Variants in AK8 observed in about 807,000 individuals in gnomAD.
AK8 encodes ATP-AMP transphosphorylase 8.
Under a neutral mutation model 54.6 loss-of-function variants are expected in AK8, and 44 were observed. The ratio of observed to expected loss-of-function variants is 0.81; its 90% confidence interval spans 0.63 to 1.04. The LOEUF is 1.04. Ranked by LOEUF, AK8 falls within the 50% of genes least tolerant of loss-of-function variation. AK8 has a pLI of 0.00. For missense variants in AK8, 555 were observed against 613.6 expected (o/e 0.90, Z 1.01); for synonymous variants, 239 against 245.6 (o/e 0.97, Z 0.25).
chr9:132,833,858 G>A (rs937591033), intron 5 of AK8, among the ~76,000 whole-genome samples: 4 of 152,264 alleles, frequency 2.6e-5, no homozygotes, highest in East Asian at 3.8e-4. Context: ...TTATTAAAGC[G>A]CAATTAGCAA....
chr9:132,821,656 C>T (rs565494015), intron 9 of AK8, among the ~76,000 whole-genome samples: 51 of 150,446 alleles, frequency 3.4e-4, no homozygotes, highest in African/African-American at 1.2e-3. Flanking sequence ...AAACTTGATT[C>T]TTCTGGGGTG....
intron 10 of AK8, among the ~76,000 whole-genome samples, chr9:132,793,229 C>G (rs991984452): frequency 1.3e-5 from 2 of 152,200 alleles, no homozygotes; most frequent in Non-Finnish European, 1.5e-5. Context: ...GGTGAGAAGT[C>G]TCTCTGGGGT....
Position 132,803,947 on chromosome 9 carries a change from A to T in AK8, c.979+10691T>A, listed in dbSNP as rs550707539. Among the ~76,000 whole-genome samples, 1 of 152,040 alleles carries T rather than the reference A, an allele frequency of 6.6e-6. No homozygotes were observed. The highest frequency in any genetic ancestry group is 2.1e-4 in the South Asian group (1 of 4,804). On this transcript the variant is annotated intron_variant, in intron 10 of 12. Coordinates refer to ENST00000298545, the MANE Select transcript of AK8 (RefSeq NM_152572.3). This position sits in a 1 kb window ranked among gnomAD's most constrained non-coding sequence, Gnocchi z 4.4. ...ATGGTGAAACCCCATCTCTACTAAAAATACAAAAATTAGCCGGGCGTGGTG... is the reference window on the plus strand; with the variant it reads ...ATGGTGAAACCCCATCTCTACTAAATATACAAAAATTAGCCGGGCGTGGTG...
intron 9 of AK8, among the ~76,000 whole-genome samples, chr9:132,821,179 C>T (rs1179754129): frequency 6.6e-6 from 1 of 151,792 alleles, no homozygotes; most frequent in Non-Finnish European, 1.5e-5. Flanking sequence ...TAAAACAGAG[C>T]ACCGAGACAA....
At chr9:132,807,575 A>T (rs78611549) in intron 10 of AK8, among the ~76,000 whole-genome samples, 3,524 of 152,322 alleles carry the variant, frequency 0.023, 157 homozygotes, top group African/African-American at 0.08. Context: ...CTTCTGGCTG[A>T]AGAGCCGGCG....
chr9:132,878,373 C>G, upstream of AK8: 1 of 1,248,654 alleles, frequency 8.0e-7, no homozygotes. This position sits in a 1 kb window ranked among gnomAD's most constrained non-coding sequence, Gnocchi z 4.7. Context: ...CCCAGATACC[C>G]GATCCTCGGT....
intron 11 of AK8, among the ~76,000 whole-genome samples, chr9:132,729,774 A>C (rs537208023): frequency 6.6e-6 from 1 of 152,262 alleles, no homozygotes; most frequent in East Asian, 1.9e-4. Context: ...AACATCAACG[A>C]CAACAACAAG....
intron 11 of AK8, among the ~76,000 whole-genome samples, chr9:132,784,476 G>A (rs535677599): frequency 6.4e-4 from 98 of 152,198 alleles, no homozygotes; most frequent in African/African-American, 2.1e-3. Context: ...CTGAGATTGC[G>A]CCATTCCGGC....
chr9:132,811,841 A>C (rs1841030149), intron 10 of AK8, among the ~76,000 whole-genome samples: 1 of 152,180 alleles, frequency 6.6e-6, no homozygotes, highest in African/African-American at 2.4e-5. Flanking sequence ...AGGACTGCAA[A>C]TCTGGAAACC....
At chr9:132,784,227 A>AC (rs1291623154) in intron 11 of AK8, among the ~76,000 whole-genome samples, 1 of 152,152 alleles carries the variant, frequency 6.6e-6, no homozygotes, top group African/African-American at 2.4e-5. Context: ...GGCAAAAGAA[A>AC]CACATCCATA....
Position 132,727,541 on chromosome 9 carries a change from G to A in AK8, c.1122-7C>T, listed in dbSNP as rs1330743823. 5.0e-6 allele frequency: 8 copies of A among 1,611,420 alleles called. No individual in the cohort carries two copies. The highest frequency in any genetic ancestry group is 4.0e-5 in the African/African-American group (3 of 74,812). ...CACATTCAGGAAAAACACCCTATAA[G>A]GAAATAAACCATATTAATAATGGTT... On this transcript the variant is annotated splice_polypyrimidine_tract_variant and splice_region_variant and intron_variant, in intron 11 of 12. Coordinates refer to ENST00000298545, the MANE Select transcript of AK8 (RefSeq NM_152572.3).
intron 11 of AK8, among the ~76,000 whole-genome samples, chr9:132,751,066 G>T (rs1837898378): frequency 6.6e-6 from 1 of 151,884 alleles, no homozygotes; most frequent in East Asian, 1.9e-4. Flanking sequence ...CTTTGGCCAG[G>T]TACACAGAAC....
chr9:132,745,029 G>C (rs960371440), intron 11 of AK8, among the ~76,000 whole-genome samples: 1 of 152,132 alleles, frequency 6.6e-6, no homozygotes, highest in Non-Finnish European at 1.5e-5. Flanking sequence ...TTGAGTTTCT[G>C]ACAGCCCTTA....
intron 11 of AK8, among the ~76,000 whole-genome samples, chr9:132,784,434 G>A (rs563684328): frequency 1.7e-4 from 26 of 152,248 alleles, no homozygotes; most frequent in Admixed American, 1.2e-3. Flanking sequence ...CAGGAGAATC[G>A]CTTGAAGTCA....
chr9:132,845,224 C>T (rs1842700882), intron 5 of AK8, among the ~76,000 whole-genome samples: 1 of 152,182 alleles, frequency 6.6e-6, no homozygotes, highest in African/African-American at 2.4e-5. Flanking sequence ...TCAAAATAAT[C>T]ATAATAATAA....
At chr9:132,741,921 A>T (rs1208821015) in intron 11 of AK8, among the ~76,000 whole-genome samples, 2 of 152,210 alleles carry the variant, frequency 1.3e-5, no homozygotes, top group African/African-American at 4.8e-5. Flanking sequence ...TAGGATAAAA[A>T]GAAAGAGGAC....
chr9:132,818,277 T>C (rs1841420207), intron 9 of AK8, among the ~76,000 whole-genome samples: 1 of 152,092 alleles, frequency 6.6e-6, no homozygotes, highest in African/African-American at 2.4e-5. Context: ...AACCAAGGAG[T>C]GAAGAGTACT....
At chr9:132,866,835 A>G (rs1232363461) in intron 3 of AK8, 69 bp downstream of exon 3, 2 of 1,396,618 alleles carry the variant, frequency 1.4e-6, no homozygotes, top group African/African-American at 2.8e-5. Context: ...ACGGAGGTGC[A>G]GTCTCATTCC....
chr9:132,747,891 G>A (rs904331341), intron 11 of AK8, among the ~76,000 whole-genome samples: 8 of 151,136 alleles, frequency 5.3e-5, no homozygotes, highest in African/African-American at 1.9e-4. Flanking sequence ...CGAGGCAGGG[G>A]AGTTCGAGAC....
Sources: allele counts gnomAD v4.1 joint callset (sites outside exome capture counted in the v4.1 genomes callset), GRCh38; gene constraint gnomAD v4.1.1; non-coding constraint Gnocchi (gnomAD v3.1); transcripts MANE v1.5; gene names NCBI Gene and HGNC (gene_info 2026-07-23, HGNC 2026-07-21).